Variants in RBFOX1 observed in about 807,000 individuals in gnomAD.
RBFOX1 encodes the protein RNA binding fox-1 homolog 1, also known as RNA binding protein fox-1 homolog 1.
Under a neutral mutation model 57.7 loss-of-function variants are expected in RBFOX1, and 8 were observed. The ratio of observed to expected loss-of-function variants is 0.14; its 90% CI spans 0.08 to 0.25. RBFOX1 has a LOEUF of 0.25. Among genes scored for constraint, RBFOX1 ranks in the 10% least tolerant of loss-of-function variants. The pLI is 1.00. For missense variants in RBFOX1, 611 were observed against 548.5 expected, an observed-to-expected ratio of 1.11 and a Z score of -1.14; for synonymous variants, 326 against 222.4, an observed-to-expected ratio of 1.47 and a Z score of -4.15.
intron 3 of RBFOX1, among the ~76,000 whole-genome samples, chr16:5,625,648 C>T (rs2048328945): frequency 6.6e-6 from 1 of 152,026 alleles, no homozygotes; most frequent in Non-Finnish European, 1.5e-5. Flanking sequence ...ACCTCCGCCT[C>T]CTGGGTTCAA....
intron 2 of RBFOX1, among the ~76,000 whole-genome samples, chr16:6,615,924 G>T (rs751724957): frequency 6.6e-6 from 1 of 152,088 alleles, no homozygotes; most frequent in African/African-American, 2.4e-5. Flanking sequence ...AACCTCCCTC[G>T]GTGCAGAAAC....
chr16:7,267,882 G>T (rs1253929504), intron 4 of RBFOX1, among the ~76,000 whole-genome samples: 1 of 152,140 alleles, frequency 6.6e-6, no homozygotes, highest in Non-Finnish European at 1.5e-5. Flanking sequence ...AACCTTCAAT[G>T]AGGAGGTTTT....
intron 4 of RBFOX1, among the ~76,000 whole-genome samples, chr16:7,084,802 C>G (rs536197427): frequency 1.3e-5 from 2 of 152,102 alleles, no homozygotes; most frequent in African/African-American, 4.8e-5. Flanking sequence ...TTCATATTCC[C>G]CCCTCTCTCA....
intron 10 of RBFOX1, among the ~76,000 whole-genome samples, chr16:7,610,855 C>T (rs1207718134): frequency 6.6e-6 from 1 of 152,290 alleles, no homozygotes. Flanking sequence ...TTATTACTGT[C>T]ACGCATCTAC....
chr16:5,784,731 C>T (rs757698543), intron 3 of RBFOX1, among the ~76,000 whole-genome samples: 1 of 152,102 alleles, frequency 6.6e-6, no homozygotes, highest in African/African-American at 2.4e-5. Flanking sequence ...AGCATGGTGT[C>T]CTTATGAATT....
chr16:5,724,850 A>G (rs1194914260), intron 3 of RBFOX1, among the ~76,000 whole-genome samples: 2 of 152,190 alleles, frequency 1.3e-5, no homozygotes, highest in African/African-American at 4.8e-5. Context: ...TCCTGGAAAA[A>G]TGAAAGTTAC....
intron 14 of RBFOX1, among the ~76,000 whole-genome samples, chr16:7,704,180 C>G (rs1014541068): frequency 3.3e-5 from 5 of 152,202 alleles, no homozygotes; most frequent in African/African-American, 1.2e-4. Flanking sequence ...GCCCCAAGTC[C>G]TGAATCTCCA....
intron 3 of RBFOX1, among the ~76,000 whole-genome samples, chr16:6,701,818 G>T (rs1420160383): frequency 6.6e-6 from 1 of 152,134 alleles, no homozygotes; most frequent in Admixed American, 6.6e-5. Flanking sequence ...GATGGAACTG[G>T]AGTCCAGTAT....
rs74010695 is a variant in RBFOX1, at chr16:7,377,479, C to A, written c.28-140668C>A. Among the ~76,000 whole-genome samples, 48 of 152,270 alleles carry A rather than the reference C, an allele frequency of 3.2e-4. No homozygotes were observed. In the South Asian group the frequency reaches 6.6e-3, roughly 21 times the overall value. ...ATTCAATATGACAGCTTGGCTAACA[C>A]ATCAATCATTTGGAAAAAAAATACT... On this transcript the variant is annotated intron_variant, in intron 4 of 15. Transcript: ENST00000550418.
At chr16:6,128,912 C>G (rs902526259) in intron 1 of RBFOX1, among the ~76,000 whole-genome samples, 1 of 152,156 alleles carries the variant, frequency 6.6e-6, no homozygotes. Context: ...TCCAGTTTCA[C>G]TAGAATAAGA....
intron 1 of RBFOX1, among the ~76,000 whole-genome samples, chr16:6,169,021 C>T (rs1020580897): frequency 6.6e-6 from 1 of 152,030 alleles, no homozygotes; most frequent in Admixed American, 6.6e-5. Context: ...GAAAAGCAGG[C>T]CTTCTCATTT....
chr16:5,805,112 AG>A (rs1408895079), intron 3 of RBFOX1, among the ~76,000 whole-genome samples: 2 of 152,056 alleles, frequency 1.3e-5, no homozygotes, highest in African/African-American at 4.8e-5. Flanking sequence ...AAAGCTGGGA[AG>A]GGGGCAGTTT....
intron 3 of RBFOX1, among the ~76,000 whole-genome samples, chr16:6,759,584 G>A (rs2076318238): frequency 6.6e-6 from 1 of 151,650 alleles, no homozygotes; most frequent in Admixed American, 6.6e-5. Context: ...ATGAGTTCCA[G>A]TTCCAGTATT....
rs59873374 is a variant in RBFOX1, at chr16:5,544,951, C to CTTTTT, written c.259-53912_259-53908dup. Among the ~76,000 whole-genome samples the CTTTTT allele has an allele frequency of 1.7e-3, 217 of 124,350 alleles. 14 individuals are homozygous for CTTTTT. The highest frequency in any genetic ancestry group is 2.4e-3 in the Non-Finnish European group (148 of 60,972). The allele number at this position is 124,350 out of a possible 152,430, so 81.6% of individuals were successfully genotyped here. A position where few individuals can be genotyped will look rare whatever the true frequency, so the allele number is the denominator to read the frequency against. On this transcript the variant is annotated intron_variant, in intron 2 of 2. Transcript: ENST00000585867. ...GTATAGATGGCCTTACTATTACATT[C>CTTTTT]TTTTTTTTTTTTTTTTTTTTTTTTT...
chr16:7,371,514 A>C (rs4386153), intron 4 of RBFOX1, among the ~76,000 whole-genome samples: 28,523 of 152,110 alleles, frequency 0.19, 4,410 homozygotes, highest in African/African-American at 0.43. Flanking sequence ...CTCTGGGAGG[A>C]TGAGGCAGGC....
chr16:6,870,511 A>G (rs1297809626), intron 3 of RBFOX1, among the ~76,000 whole-genome samples: 2 of 152,248 alleles, frequency 1.3e-5, no homozygotes, highest in African/African-American at 2.4e-5. Context: ...ATTATTTGCC[A>G]TGAATAATTG....
At chr16:6,168,501 T>A (rs1300618665) in intron 1 of RBFOX1, among the ~76,000 whole-genome samples, 5 of 152,344 alleles carry the variant, frequency 3.3e-5, no homozygotes, top group Non-Finnish European at 5.9e-5. Context: ...GCAATGAGCC[T>A]ATAGCAATTC....
At position 6,363,261 on chromosome 16, in the gene RBFOX1, A is replaced by C. The variant is rs556049971; in HGVS notation, c.-64+46204A>C. On this transcript the variant is annotated intron_variant, in intron 2 of 15. Transcript: ENST00000550418. ...CTTCCGTTGTGTAGTAAACTTAGTA[A>C]AGCACCTGTTGTACAACTCAATGGC... Among the ~76,000 whole-genome samples, 10 of 152,256 alleles carry C rather than the reference A, an allele frequency of 6.6e-5. No homozygotes were observed. The South Asian group carries it at 1.9e-3, about 28-fold the overall frequency.
Position 6,743,294 on chromosome 16 carries a change from A to G in RBFOX1, c.-16+88644A>G, listed in dbSNP as rs201983011. Among the ~76,000 whole-genome samples the G allele has an allele frequency of 5.9e-5, 9 of 152,304 alleles. No individual in the cohort carries two copies. The East Asian group carries it at 1.7e-3, about 29-fold the overall frequency. ...GGAAAGTTGGGACAAATGAAAAACC[A>G]ATAGGTTATAGGTTTAAACCTAATT... On this transcript the variant is annotated intron_variant, in intron 3 of 15. Transcript: ENST00000550418.
Sources: allele counts gnomAD v4.1 joint callset (sites outside exome capture counted in the v4.1 genomes callset), GRCh38; gene constraint gnomAD v4.1.1; transcripts MANE v1.5; gene names NCBI Gene and HGNC (gene_info 2026-07-23, HGNC 2026-07-21).